Variants in BANP observed in about 807,000 individuals in gnomAD.
The protein encoded by BANP is protein BANP.
A neutral mutation model predicts 68.1 loss-of-function variants in BANP; 11 were observed. The observed-to-expected ratio is 0.16, with a 90% CI of 0.10 to 0.27. The LOEUF is 0.27. Ranked by LOEUF, BANP falls within the 10% of genes least tolerant of loss-of-function variation. The pLI, the probability that BANP is intolerant of heterozygous loss-of-function variation, is 1.00. For synonymous variants in BANP, 329 were observed against 303.2 expected (o/e 1.09, Z -0.88); for missense variants, 504 against 722.7 (o/e 0.70, Z 3.47).
chr16:88,027,705 G>C, intron 8 of BANP, 55 bp downstream of exon 8: 1 of 1,600,260 alleles, frequency 6.2e-7, no homozygotes, highest in Non-Finnish European at 8.5e-7. Flanking sequence ...CAGCTGGCCT[G>C]GTGGCACCCT....
intron 3 of BANP, chr16:87,982,546 G>T (rs897572635): frequency 6.6e-6 from 1 of 152,236 alleles, no homozygotes; most frequent in African/African-American, 2.4e-5. Context: ...CAGGGACCGT[G>T]CCTCCTTTGT....
intron 11 of BANP, among the ~76,000 whole-genome samples, 169 bp downstream of exon 11, chr16:88,038,180 G>T (rs112204663): frequency 6.6e-6 from 1 of 152,028 alleles, no homozygotes; most frequent in Non-Finnish European, 1.5e-5. Context: ...GTCATTGTGG[G>T]CATTGCGCTG....
At chr16:88,010,115 CT>C (rs549596748) in intron 6 of BANP, among the ~76,000 whole-genome samples, 51 of 152,332 alleles carry the variant, frequency 3.3e-4, no homozygotes, top group African/African-American at 1.2e-3. Flanking sequence ...GTGCTCATAG[CT>C]TTGTTTTGTA....
chr16:88,019,446 T>C (rs2075375581), intron 7 of BANP, among the ~76,000 whole-genome samples: 1 of 151,676 alleles, frequency 6.6e-6, no homozygotes, highest in Admixed American at 6.6e-5. Context: ...ATCTGGGCTC[T>C]GGAGAGTCAC....
At chr16:88,039,722 G>C (rs1158917666) in intron 11 of BANP, among the ~76,000 whole-genome samples, 1 of 142,884 alleles carries the variant, frequency 7.0e-6, no homozygotes, top group South Asian at 2.4e-4. Context: ...CTCCAGCACA[G>C]ATCTGAGTTC....
At chr16:88,038,655 C>T (rs1189826457) in intron 11 of BANP, among the ~76,000 whole-genome samples, 1 of 152,148 alleles carries the variant, frequency 6.6e-6, no homozygotes, top group Non-Finnish European at 1.5e-5. Context: ...GTTGAACACC[C>T]CAGTACGAAT....
At chr16:87,950,286 G>A (rs1336594180), upstream of BANP, 1 of 152,184 alleles carries the variant, frequency 6.6e-6, no homozygotes, top group Admixed American at 6.5e-5. Flanking sequence ...GTATAAAGAA[G>A]AAAATGAAAG....
chr16:87,989,525 G>A (rs909461686), intron 4 of BANP, among the ~76,000 whole-genome samples: 2 of 152,234 alleles, frequency 1.3e-5, no homozygotes, highest in Non-Finnish European at 2.9e-5. Context: ...AGAGCATGGA[G>A]TGTTGCCCGT....
At position 88,002,003 on chromosome 16, in the gene BANP, C is replaced by T. The variant is rs1479021959; in HGVS notation, c.363-2292C>T. ...CAACTACAATGGTTGAACAGAAGAA[C>T]GTGAATATGTCACCCACTTAGAACT... On this transcript the variant is annotated intron_variant, in intron 4 of 13. Coordinates refer to ENST00000682872, the MANE Select transcript of BANP (RefSeq NM_001386991.1). This position sits in a 1 kb window ranked among gnomAD's most constrained non-coding sequence, Gnocchi z 4.6. Among the ~76,000 whole-genome samples, 2 of 151,674 alleles carry T rather than the reference C, an allele frequency of 1.3e-5. No individual in the cohort carries two copies. Among genetic ancestry groups the T allele is most frequent in the African/African-American group, 2.4e-5 (1 of 41,254 alleles).
chr16:88,064,214 G>T lies in BANP; in HGVS notation c.1312-1053G>T, dbSNP rs2152887884. On this transcript the variant is annotated intron_variant, in intron 11 of 13. Coordinates refer to ENST00000682872, the MANE Select transcript of BANP (RefSeq NM_001386991.1). The surrounding 1 kb of genome is among the most constrained non-coding windows in gnomAD (Gnocchi z 4.5). Reference sequence around the variant, plus strand: ...TGAGAGGCGCAGGGGAGCAGGGGGGGAGAGTGGACAGCGAGGCGGTGGATG... The same window carrying T: ...TGAGAGGCGCAGGGGAGCAGGGGGGTAGAGTGGACAGCGAGGCGGTGGATG... Among the ~76,000 whole-genome samples, 1 of 151,932 alleles carries T rather than the reference G, an allele frequency of 6.6e-6. No individual in the cohort carries two copies. Among genetic ancestry groups the T allele is most frequent in the East Asian group, 1.9e-4 (1 of 5,130 alleles).
rs550268906 is a variant in BANP at position 88,066,341 on chromosome 16, T to A, written c.1377+1009T>A. Among the ~76,000 whole-genome samples the A allele has an allele frequency of 1.9e-4, 29 of 152,310 alleles. 1 individual carries two copies. Among genetic ancestry groups the A allele is most frequent in the African/African-American group, 6.7e-4 (28 of 41,578 alleles). ...CTGACATTACCAGCAGGCGGTAATT[T>A]TACTTTGAGTGAAACTCGGGAGTTT... is the stretch of plus-strand genomic sequence containing the variant. On this transcript the variant is annotated intron_variant, in intron 12 of 13. Transcript: ENST00000682872.
At chr16:88,037,163 A>C (rs1297802506) in intron 10 of BANP, 2 of 152,226 alleles carry the variant, frequency 1.3e-5, no homozygotes, top group African/African-American at 4.8e-5. Flanking sequence ...CAAAAGAAAA[A>C]AAACAACACA....
chr16:88,028,758 C>T (rs1438160191), intron 8 of BANP, among the ~76,000 whole-genome samples: 2 of 152,190 alleles, frequency 1.3e-5, no homozygotes, highest in African/African-American at 2.4e-5. Flanking sequence ...TTGCGCATGA[C>T]TTGAATTCTG....
chr16:88,042,963 T>C (rs186425451), intron 11 of BANP, among the ~76,000 whole-genome samples: 194 of 152,326 alleles, frequency 1.3e-3, no homozygotes, highest in African/African-American at 4.2e-3. Context: ...AAAATTAAAA[T>C]ACTTAAAAAA....
chr16:87,953,463 A>AGG (rs2057394989), intron 1 of BANP, among the ~76,000 whole-genome samples: 1 of 152,088 alleles, frequency 6.6e-6, no homozygotes, highest in Non-Finnish European at 1.5e-5. Context: ...CAGCCTCCTT[A>AGG]GTAGCCGCTA....
chr16:88,044,466 A>G (rs530867603), intron 11 of BANP, among the ~76,000 whole-genome samples: 3 of 152,234 alleles, frequency 2.0e-5, no homozygotes, highest in East Asian at 3.9e-4. Context: ...AATATTTTTT[A>G]TTGTTTTCTG....
intron 1 of BANP, among the ~76,000 whole-genome samples, chr16:87,965,103 G>A (rs1436937637): frequency 6.6e-6 from 1 of 152,182 alleles, no homozygotes. Context: ...TTCCAGGGCC[G>A]TGCCCTGGGC....
rs569768870 is a variant in BANP at position 87,994,247 on chromosome 16, C to G, written c.362+9988C>G. Among the ~76,000 whole-genome samples, 183 of 152,328 alleles carry G rather than the reference C, an allele frequency of 1.2e-3. 1 individual carries two copies. The highest frequency in any genetic ancestry group is 2.3e-3 in the Non-Finnish European group (154 of 68,026). ...GTGGAGTCAGTCCTGACGCTGCTTC[C>G]CTCTCTCACTAGTAGTCATTTGTGT... On this transcript the variant is annotated intron_variant, in intron 4 of 13. Coordinates refer to ENST00000682872, the MANE Select transcript of BANP (RefSeq NM_001386991.1).
Position 87,999,103 on chromosome 16 carries a change from C to T in BANP, c.363-5192C>T, listed in dbSNP as rs1390383628. ...ACGTGCGCGGCTGTACTTGCCTGTCCTTCCAGACACCCAGACACGTCTCCA... is the reference window on the plus strand; with the variant it reads ...ACGTGCGCGGCTGTACTTGCCTGTCTTTCCAGACACCCAGACACGTCTCCA... On this transcript the variant is annotated intron_variant, in intron 4 of 13. Transcript: ENST00000682872. Among the ~76,000 whole-genome samples the T allele has an allele frequency of 4.6e-4, 60 of 131,462 alleles. No homozygotes were observed. In the Middle Eastern group the frequency reaches 0.021, roughly 46 times the overall value. The allele number at this position is 131,462 out of a possible 152,430, so 86.2% of individuals were successfully genotyped here. A position where few individuals can be genotyped will look rare whatever the true frequency, so the allele number is the denominator to read the frequency against.
Sources: gnomAD v4.1 joint callset for allele counts (sites outside exome capture counted in the v4.1 genomes callset) on GRCh38, gnomAD v4.1.1 for gene constraint, Gnocchi (gnomAD v3.1) non-coding constraint, MANE v1.5 for transcripts, NCBI Gene and HGNC (gene_info 2026-07-23, HGNC 2026-07-21) for gene names.